Variants in PLEKHG7 observed in about 807,000 individuals in gnomAD.
PLEKHG7 encodes the protein pleckstrin homology domain-containing family G member 7.
Under a neutral mutation model 85.2 loss-of-function variants are expected in PLEKHG7, and 77 were observed. That is an observed-to-expected ratio of 0.90 (90% confidence interval 0.75 to 1.09). The LOEUF (loss-of-function observed/expected upper bound fraction) is 1.09. Among genes scored for constraint, PLEKHG7 ranks in the 50% least tolerant of loss-of-function variants. The pLI is 0.00. For synonymous variants in PLEKHG7, 301 were observed against 302.4 expected, an observed-to-expected ratio of 1.00 and a Z score of 0.05; for missense variants, 777 against 804.3, an observed-to-expected ratio of 0.97 and a Z score of 0.41.
chr12:92,723,534 A>C (rs1002797561), intron 3 of PLEKHG7, among the ~76,000 whole-genome samples: 3 of 152,190 alleles, frequency 2.0e-5, no homozygotes, highest in African/African-American at 7.2e-5. Context: ...ATATTCAATA[A>C]TCAGTCTAAT....
rs1253259459 is a variant in PLEKHG7, at chr12:92,767,099, T to C, written c.1871-1884T>C. 7.9e-5 allele frequency among the ~76,000 whole-genome samples: 12 copies of C among 152,170 alleles called. No homozygotes were observed. In the East Asian group the frequency reaches 2.3e-3, roughly 29 times the overall value. ...ACCTTGGAAAAATTAATATGTTTCCTCATTTACAAGTAGGAATTAGCTGAC... is the reference window on the plus strand; with the variant it reads ...ACCTTGGAAAAATTAATATGTTTCCCCATTTACAAGTAGGAATTAGCTGAC... On this transcript the variant is annotated intron_variant, in intron 15 of 16. Transcript: ENST00000344636.
At chr12:92,748,588 T>A (rs956824589) in intron 10 of PLEKHG7, among the ~76,000 whole-genome samples, 1 of 152,158 alleles carries the variant, frequency 6.6e-6, no homozygotes, top group African/African-American at 2.4e-5. Flanking sequence ...CACCAGACAC[T>A]TTCTCAAACA....
intron 3 of PLEKHG7, among the ~76,000 whole-genome samples, chr12:92,714,394 C>G (rs1360398704): frequency 6.6e-6 from 1 of 152,200 alleles, no homozygotes; most frequent in Non-Finnish European, 1.5e-5. Flanking sequence ...CCCGGGCATC[C>G]TATTCCAAGT....
intron 3 of PLEKHG7, among the ~76,000 whole-genome samples, chr12:92,720,295 C>G (rs990090994): frequency 1.3e-5 from 2 of 151,536 alleles, no homozygotes; most frequent in African/African-American, 4.8e-5. Context: ...ATACCCTTCT[C>G]TCTTCGCTGT....
At chr12:92,730,437 C>T (rs1565789955) in intron 4 of PLEKHG7, among the ~76,000 whole-genome samples, 1 of 152,218 alleles carries the variant, frequency 6.6e-6, no homozygotes, top group Non-Finnish European at 1.5e-5. Context: ...ATGCAGATTC[C>T]AGGCTGCCCA....
intron 3 of PLEKHG7, among the ~76,000 whole-genome samples, chr12:92,716,863 A>C (rs1338114386): frequency 4.6e-5 from 7 of 152,242 alleles, no homozygotes; most frequent in Non-Finnish European, 7.3e-5. Flanking sequence ...ACCCAGAAAG[A>C]GTCTACTTCC....
chr12:92,724,999 G>A lies in PLEKHG7; in HGVS notation c.531-3994G>A, dbSNP rs959246678. Among the ~76,000 whole-genome samples the A allele has an allele frequency of 7.9e-5, 12 of 152,088 alleles. No homozygotes were observed. The East Asian group carries it at 1.9e-3, about 24-fold the overall frequency. ...CCTGATTAAAAAAAAAAATAGAAGA[G>A]CAGAGAAAAGGCAGGTGAAACAGAT... On this transcript the variant is annotated intron_variant, in intron 3 of 16. Transcript: ENST00000344636.
intron 7 of PLEKHG7, 62 bp downstream of exon 7, chr12:92,737,583 GT>G: frequency 6.8e-7 from 1 of 1,462,548 alleles, no homozygotes. Context: ...TTGGGCACTT[GT>G]TTTCCTCTTC....
At position 92,709,234 on chromosome 12, in the gene PLEKHG7, G is replaced by A. The variant is rs78174784; in HGVS notation, c.530+1562G>A. On this transcript the variant is annotated intron_variant, in intron 3 of 16. Coordinates refer to ENST00000344636, the MANE Select transcript of PLEKHG7 (RefSeq NM_001377329.1). ...ATGAAGGCAGTGGGGTTAAAAAGAA[G>A]TATCTCAATGCAAGAGATATTTAGG... Among the ~76,000 whole-genome samples the A allele has an allele frequency of 9.5e-3, 1,453 of 152,306 alleles. 30 individuals carry two copies. Among genetic ancestry groups the A allele is most frequent in the African/African-American group, 0.033 (1,392 of 41,562 alleles).
intron 3 of PLEKHG7, among the ~76,000 whole-genome samples, chr12:92,726,154 A>T (rs10859374): frequency 0.9 from 136,349 of 152,224 alleles, 61,178 homozygotes; most frequent in East Asian, 0.97. Context: ...AGAAAGGCTG[A>T]CACTCATATA....
chr12:92,748,422 A>G (rs947988499), intron 10 of PLEKHG7, among the ~76,000 whole-genome samples: 1 of 151,804 alleles, frequency 6.6e-6, no homozygotes, highest in African/African-American at 2.4e-5. Context: ...AATTTTTTAT[A>G]TTTTCGGTAG....
At chr12:92,761,662 GAA>G (rs763866191) in intron 13 of PLEKHG7, 88 bp from the exon 14 acceptor site, 2 of 1,330,092 alleles carry the variant, frequency 1.5e-6, no homozygotes, top group Admixed American at 3.9e-5. Flanking sequence ...AAGAAAGAAA[GAA>G]AGAAAGAAAG....
intron 14 of PLEKHG7, 125 bp downstream of exon 14, chr12:92,761,956 T>A (rs1383371374): frequency 7.4e-6 from 9 of 1,212,976 alleles, no homozygotes; most frequent in Non-Finnish European, 9.5e-6. Flanking sequence ...CTCTAAAAAA[T>A]GAAGGCATTA....
chr12:92,728,802 G>A (rs1036831477), intron 3 of PLEKHG7, among the ~76,000 whole-genome samples, 191 bp from the exon 4 acceptor site: 1 of 152,082 alleles, frequency 6.6e-6, no homozygotes, highest in African/African-American at 2.4e-5. Context: ...TCTATTTTTA[G>A]TTCTTTGAAA....
At chr12:92,716,610 C>A (rs1218161007) in intron 3 of PLEKHG7, among the ~76,000 whole-genome samples, 2 of 152,198 alleles carry the variant, frequency 1.3e-5, no homozygotes, top group Admixed American at 6.5e-5. Context: ...GAAAAAAAAT[C>A]TTCACAATTC....
intron 3 of PLEKHG7, among the ~76,000 whole-genome samples, chr12:92,717,925 A>G (rs1000600801): frequency 1.3e-5 from 2 of 152,210 alleles, no homozygotes; most frequent in African/African-American, 4.8e-5. Flanking sequence ...AATAGTAGCT[A>G]TGGTTATTCT....
chr12:92,724,727 T>A (rs780006194), intron 3 of PLEKHG7, among the ~76,000 whole-genome samples: 25 of 152,174 alleles, frequency 1.6e-4, no homozygotes, highest in Non-Finnish European at 3.5e-4. Context: ...GCTAAGTCTG[T>A]CCCCTTTGAA....
chr12:92,746,270 C>T (rs950770817), intron 10 of PLEKHG7, among the ~76,000 whole-genome samples: 1 of 152,208 alleles, frequency 6.6e-6, no homozygotes, highest in African/African-American at 2.4e-5. Flanking sequence ...TGGTCCAAGC[C>T]TTTCCAGAAA....
intron 3 of PLEKHG7, among the ~76,000 whole-genome samples, chr12:92,723,226 A>T (rs1871694669): frequency 6.6e-6 from 1 of 152,086 alleles, no homozygotes; most frequent in Admixed American, 6.5e-5. Context: ...CTCTGAGTAT[A>T]TGTGGATTGG....
Sources: gnomAD v4.1 joint callset for allele counts (sites outside exome capture counted in the v4.1 genomes callset) on GRCh38, gnomAD v4.1.1 for gene constraint, MANE v1.5 for transcripts, NCBI Gene and HGNC (gene_info 2026-07-23, HGNC 2026-07-21) for gene names.